The following SAP30BP variants were observed in gnomAD, a reference collection of about 807,000 sequenced individuals.
The protein encoded by SAP30BP is SAP30 binding protein, also known as SAP30-binding protein.
A neutral mutation model predicts 46.3 loss-of-function variants in SAP30BP; 31 were observed. That is an observed-to-expected ratio of 0.67 (90% CI 0.50 to 0.90). SAP30BP has a LOEUF of 0.90. Ranked by LOEUF, SAP30BP falls within the 40% of genes least tolerant of loss-of-function variation. SAP30BP has a pLI of 0.00. For synonymous variants in SAP30BP, 169 were observed against 144.2 expected (o/e 1.17, Z -1.23); for missense variants, 312 against 391.0 (o/e 0.80, Z 1.70).
chr17:75,671,941 T>G (rs2059913828), intron 3 of SAP30BP, 78 bp downstream of exon 3: 1 of 1,130,334 alleles, frequency 8.8e-7, no homozygotes, highest in African/African-American at 1.5e-5. Flanking sequence ...GTATGTTTGG[T>G]CAAGATCTGT....
intron 5 of SAP30BP, 111 bp downstream of exon 5, chr17:75,699,982 T>G (rs2148416023): frequency 4.0e-6 from 3 of 751,028 alleles, no homozygotes; most frequent in Middle Eastern, 2.6e-4. Flanking sequence ...CTGAGGCTTC[T>G]ATAAAAGAAA....
chr17:75,705,159 C>T lies in SAP30BP; in HGVS notation c.660+345C>T, dbSNP rs150719987. ...CTAAGAGAGTGCCAGGCCCAGCTTGCGCTGCTCGGTGAGTGTCTTGGCCTC... is the reference window on the plus strand; with the variant it reads ...CTAAGAGAGTGCCAGGCCCAGCTTGTGCTGCTCGGTGAGTGTCTTGGCCTC... On this transcript the variant is annotated intron_variant, in intron 9 of 10. Coordinates refer to ENST00000584667, the MANE Select transcript of SAP30BP (RefSeq NM_013260.8). 1.1e-3 allele frequency: 320 copies of T among 301,322 alleles called. 3 individuals are homozygous for T. In the Middle Eastern group the frequency reaches 0.013, roughly 12 times the overall value. The allele number at this position is 301,322 out of a possible 1,614,324, so 18.7% of individuals were successfully genotyped here. A position where few individuals can be genotyped will look rare whatever the true frequency, so the allele number is the denominator to read the frequency against.
At chr17:75,670,953 G>T (rs3785433) in intron 2 of SAP30BP, among the ~76,000 whole-genome samples, 5,863 of 152,304 alleles carry the variant, frequency 0.038, 158 homozygotes, top group Admixed American at 0.06. Flanking sequence ...GGAGTGTTCT[G>T]GGTAGTGGAG....
chr17:75,682,173 G>T (rs1235060163), intron 3 of SAP30BP, among the ~76,000 whole-genome samples: 1 of 151,786 alleles, frequency 6.6e-6, no homozygotes, highest in Non-Finnish European at 1.5e-5. Flanking sequence ...ATCTCATGAT[G>T]CTAACCATAC....
intron 3 of SAP30BP, among the ~76,000 whole-genome samples, chr17:75,678,693 A>C (rs1266917618): frequency 1.3e-5 from 2 of 152,104 alleles, no homozygotes; most frequent in Non-Finnish European, 2.9e-5. Context: ...CCATGTTTTA[A>C]ACTGGAGTGC....
rs561138483 is a variant in SAP30BP, at chr17:75,683,054, A to ATTTTTT, written c.265-10383_265-10378dup. 1.4e-4 allele frequency among the ~76,000 whole-genome samples: 19 copies of ATTTTTT among 140,632 alleles called. No individual in the cohort carries two copies. The Admixed American group carries it at 1.4e-3, about 10-fold the overall frequency. 92.3% of individuals were successfully genotyped at this position (140,632 alleles called of 152,430 possible). A position where few individuals can be genotyped will look rare whatever the true frequency, so the allele number is the denominator to read the frequency against. The stretch of plus-strand genomic sequence containing the variant: ...ATTTATTTTATTTATTTATTTATTT[A>ATTTTTT]TTTTTTTTGAGACAGAGTCTCACTC... On this transcript the variant is annotated intron_variant, in intron 3 of 10. Transcript: ENST00000584667.
Position 75,686,099 on chromosome 17 carries a change from A to T in SAP30BP, c.265-7341A>T, listed in dbSNP as rs578218843. Among the ~76,000 whole-genome samples the T allele has an allele frequency of 1.8e-3, 276 of 152,298 alleles. 1 individual carries two copies. Among genetic ancestry groups the T allele is most frequent in the Admixed American group, 2.2e-3 (34 of 15,300 alleles). On this transcript the variant is annotated intron_variant, in intron 3 of 10. Transcript: ENST00000584667. ...ACGTGGGCTTTGTAAATTTAGCCAG[A>T]TTTTTCAAATAGAGAAACTGTTTCC...
At chr17:75,670,492 C>T (rs1343476195) in intron 2 of SAP30BP, among the ~76,000 whole-genome samples, 1 of 148,898 alleles carries the variant, frequency 6.7e-6, no homozygotes, top group Non-Finnish European at 1.5e-5. Flanking sequence ...CTGAAGTACA[C>T]ACATTCTGGC....
chr17:75,696,397 A>C (rs1034083404), intron 4 of SAP30BP, among the ~76,000 whole-genome samples: 6 of 148,820 alleles, frequency 4.0e-5, no homozygotes, highest in African/African-American at 1.5e-4. Context: ...AAAAAAAATT[A>C]GCCAGGCATG....
At chr17:75,677,825 G>T (rs186476178) in intron 3 of SAP30BP, among the ~76,000 whole-genome samples, 1 of 149,382 alleles carries the variant, frequency 6.7e-6, no homozygotes, top group African/African-American at 2.5e-5. Context: ...TGTTCTAAAG[G>T]CTAGCAGTTT....
chr17:75,682,357 T>C (rs1387909486), intron 3 of SAP30BP, among the ~76,000 whole-genome samples: 2 of 151,940 alleles, frequency 1.3e-5, no homozygotes, highest in East Asian at 3.9e-4. Context: ...GCTAATTTTG[T>C]ATTTTTCAGT....
chr17:75,680,496 C>A (rs185210345), intron 3 of SAP30BP, among the ~76,000 whole-genome samples: 1 of 152,234 alleles, frequency 6.6e-6, no homozygotes, highest in East Asian at 1.9e-4. Context: ...AAGCTTCACT[C>A]GGCTCCATTT....
chr17:75,690,585 C>G lies in SAP30BP; in HGVS notation c.265-2855C>G, dbSNP rs1249514832. Reference sequence around the variant, plus strand: ...AGGCCCACCTCAGCCTCTCAAAGTGCTGGGATTACAGGCGTGAGCCACTGC... The same window carrying G: ...AGGCCCACCTCAGCCTCTCAAAGTGGTGGGATTACAGGCGTGAGCCACTGC... On this transcript the variant is annotated intron_variant, in intron 3 of 10. Transcript: ENST00000584667. The G allele has an allele frequency of 9.4e-6, 4 of 427,604 alleles. No homozygotes were observed. The East Asian group carries it at 2.8e-4, about 30-fold the overall frequency. The allele number at this position is 427,604 out of a possible 1,614,324, so 26.5% of individuals were successfully genotyped here.
At chr17:75,704,079 A>C (rs2060457649) in intron 8 of SAP30BP, among the ~76,000 whole-genome samples, 1 of 152,192 alleles carries the variant, frequency 6.6e-6, no homozygotes, top group South Asian at 2.1e-4. Flanking sequence ...TAACGCCAGC[A>C]TCGATGAGTG....
chr17:75,689,885 C>T (rs1388353065), intron 3 of SAP30BP, among the ~76,000 whole-genome samples: 4 of 152,160 alleles, frequency 2.6e-5, no homozygotes, highest in Admixed American at 2.0e-4. Flanking sequence ...GTTTAATAAT[C>T]GAGCCTTTCT....
chr17:75,672,235 T>G (rs1207555381), intron 3 of SAP30BP: 7 of 239,318 alleles, frequency 2.9e-5, no homozygotes, highest in Admixed American at 1.9e-4. Flanking sequence ...CTCGCGTGCT[T>G]TGGGTTCTCT....
At chr17:75,694,147 C>T (rs546738624) in intron 4 of SAP30BP, among the ~76,000 whole-genome samples, 1 of 152,282 alleles carries the variant, frequency 6.6e-6, no homozygotes, top group South Asian at 2.1e-4. Context: ...CCATTACCAG[C>T]TCTCCTGTCC....
At chr17:75,703,216 G>A in intron 6 of SAP30BP, 95 bp from the exon 7 acceptor site, 1 of 1,168,256 alleles carries the variant, frequency 8.6e-7, no homozygotes, top group Non-Finnish European at 1.3e-6. Context: ...TTTAAAAGTT[G>A]TGAAGGTTTT....
rs1173440616 is a variant in SAP30BP at position 75,702,361 on chromosome 17, C to T, written c.397-119C>T. ...AATTTTAACATGAGGTCAAGTTGGG[C>T]TTTGCCTGACTGGAGCCTCATGTTC... On this transcript the variant is annotated intron_variant, in intron 5 of 10. Coordinates refer to ENST00000584667, the MANE Select transcript of SAP30BP (RefSeq NM_013260.8). 2.1e-5 allele frequency: 11 copies of T among 533,448 alleles called. No individual in the cohort carries two copies. The South Asian group carries it at 3.3e-4, about 16-fold the overall frequency. The allele number at this position is 533,448 out of a possible 1,614,324, so 33.0% of individuals were successfully genotyped here. A position where few individuals can be genotyped will look rare whatever the true frequency, so the allele number is the denominator to read the frequency against.
Sources: allele counts gnomAD v4.1 joint callset (sites outside exome capture counted in the v4.1 genomes callset), GRCh38; gene constraint gnomAD v4.1.1; transcripts MANE v1.5; gene names NCBI Gene and HGNC (gene_info 2026-07-23, HGNC 2026-07-21).